ACACB: variants seen among roughly 807,000 people sequenced by gnomAD.
The protein encoded by ACACB is acetyl-CoA carboxylase beta.
In ACACB, 209 loss-of-function variants were observed where a neutral mutation model predicts 278.8. The ratio of observed to expected loss-of-function variants is 0.75; its 90% CI spans 0.67 to 0.84. The LOEUF (loss-of-function observed/expected upper bound fraction) is 0.84. Ranked by LOEUF, ACACB falls within the 40% of genes least tolerant of loss-of-function variation. The probability of loss-of-function intolerance (pLI) is 0.00; values close to 1 mark genes in which losing one functional copy is unlikely to be tolerated. For missense variants in ACACB, 2,850 were observed against 3,269.0 expected (o/e 0.87, Z 3.13); for synonymous variants, 1,174 against 1,285.6 (o/e 0.91, Z 1.86).
intron 19 of ACACB, among the ~76,000 whole-genome samples, chr12:109,205,869 C>G (rs1035529882): frequency 5.9e-5 from 9 of 152,048 alleles, no homozygotes; most frequent in Non-Finnish European, 8.8e-5. Context: ...GAACAGCACC[C>G]CAGCACTGTG....
In ACACB at chr12:109,199,307, C is replaced by T. The variant is rs555609247; in HGVS notation, c.2628-95C>T. Reference sequence around the variant, plus strand: ...TGGGAATGTAGAGGGTACACTCCCCCTTTAGGAAGGGGAAATGGTATTGAA... The same window carrying T: ...TGGGAATGTAGAGGGTACACTCCCCTTTTAGGAAGGGGAAATGGTATTGAA... On this transcript the variant is annotated intron_variant, in intron 17 of 52. Transcript: ENST00000338432. 94 of 1,152,268 alleles carry T rather than the reference C, an allele frequency of 8.2e-5. 1 individual carries two copies. The African/African-American group carries it at 1.4e-3, about 18-fold the overall frequency. 71.4% of individuals were successfully genotyped at this position (1,152,268 alleles called of 1,614,324 possible).
chr12:109,194,209 T>TG, intron 16 of ACACB, among the ~76,000 whole-genome samples: 1 of 151,680 alleles, frequency 6.6e-6, no homozygotes, highest in Admixed American at 6.6e-5. Flanking sequence ...TTGTTGTTGT[T>TG]TTTTCAAACG....
chr12:109,221,417 G>A (rs534864415), intron 24 of ACACB, among the ~76,000 whole-genome samples: 2 of 152,240 alleles, frequency 1.3e-5, no homozygotes, highest in East Asian at 1.9e-4. Flanking sequence ...GAGCACCTGC[G>A]CTGAGCTGTT....
At chr12:109,114,142 G>A (rs1269152046), upstream of ACACB, among the ~76,000 whole-genome samples, 1 of 152,120 alleles carries the variant, frequency 6.6e-6, no homozygotes, top group Non-Finnish European at 1.5e-5. Context: ...ACCATACCTG[G>A]CTAAGTTTTT....
intron 43 of ACACB, 131 bp from the exon 44 acceptor site, chr12:109,254,083 C>A (rs2047163277): frequency 9.1e-7 from 1 of 1,104,686 alleles, no homozygotes; most frequent in Non-Finnish European, 1.3e-6. Flanking sequence ...AGAGCAGTGG[C>A]TTCAGGAGCC....
chr12:109,196,946 C>A, intron 16 of ACACB, 62 bp from the exon 17 acceptor site: 1 of 1,472,472 alleles, frequency 6.8e-7, no homozygotes, highest in Non-Finnish European at 8.9e-7. Context: ...GTTAGCGGGG[C>A]CCAGCAGTGC....
intron 42 of ACACB, 139 bp downstream of exon 42, chr12:109,252,295 A>G (rs2047118069): frequency 1.0e-5 from 6 of 573,380 alleles, no homozygotes; most frequent in Non-Finnish European, 1.5e-5. Flanking sequence ...CTTTTTTTCC[A>G]ATTTGCAGCT....
At chr12:109,210,613 T>A (rs935253459) in intron 21 of ACACB, among the ~76,000 whole-genome samples, 14 of 149,908 alleles carry the variant, frequency 9.3e-5, no homozygotes, top group Admixed American at 2.7e-4. Flanking sequence ...ATATATAATA[T>A]TTTTTAAGAA....
Position 109,166,831 on chromosome 12 carries a change from G to C in ACACB, c.654-30G>C, listed in dbSNP as rs750612156. 6.8e-6 allele frequency: 11 copies of C among 1,613,766 alleles called. No individual in the cohort carries two copies. The South Asian group carries it at 7.7e-5, about 11-fold the overall frequency. Reference sequence around the variant, plus strand: ...CTGAGTCCCAGGCTTCTTCCCTCATGCACGTCTGTCCCTCATTCTTATTCT... The same window carrying C: ...CTGAGTCCCAGGCTTCTTCCCTCATCCACGTCTGTCCCTCATTCTTATTCT... On this transcript the variant is annotated intron_variant, in intron 2 of 52. Transcript: ENST00000338432.
chr12:109,260,144 G>A, intron 47 of ACACB: 1 of 1,396,560 alleles, frequency 7.2e-7, no homozygotes. Context: ...AAGGATCAGT[G>A]TGACTGTTAG....
At chr12:109,255,398 CT>C (rs1474432432) in intron 44 of ACACB, among the ~76,000 whole-genome samples, 1 of 152,202 alleles carries the variant, frequency 6.6e-6, no homozygotes, top group African/African-American at 2.4e-5. Flanking sequence ...CTGTGGCTTC[CT>C]TCTCTTGCTT....
At chr12:109,199,381 C>G (rs763146650) in intron 17 of ACACB, 21 bp from the exon 18 acceptor site, 1 of 1,457,326 alleles carries the variant, frequency 6.9e-7, no homozygotes, top group Non-Finnish European at 9.1e-7. Context: ...GTCTCCCTAC[C>G]CGACTCCTCC....
rs543108931 is a variant in ACACB at position 109,243,141 on chromosome 12, A to G, written c.5178+549A>G. On this transcript the variant is annotated intron_variant, in intron 37 of 52. Coordinates refer to ENST00000338432, the MANE Select transcript of ACACB (RefSeq NM_001093.4). ...AAGAAAAAATAATTCCTAGTCCCAC[A>G]CTCTGATGACAAATTGCTTAACATT... Among the ~76,000 whole-genome samples the G allele has an allele frequency of 2.1e-4, 32 of 152,252 alleles. No homozygotes were observed. In the South Asian group the frequency reaches 6.2e-3, roughly 30 times the overall value.
chr12:109,211,505 G>A (rs55907833), intron 21 of ACACB, among the ~76,000 whole-genome samples: 10,097 of 151,970 alleles, frequency 0.066, 806 homozygotes, highest in African/African-American at 0.19. Context: ...TGCCTGCCTC[G>A]GCCTCCCAGA....
chr12:109,186,324 C>T (rs1018372196), intron 12 of ACACB, among the ~76,000 whole-genome samples: 4 of 152,184 alleles, frequency 2.6e-5, no homozygotes, highest in African/African-American at 7.2e-5. Flanking sequence ...TGCTGGACAT[C>T]GTCACCCCAC....
At chr12:109,237,090 G>A in intron 33 of ACACB, 75 bp from the exon 34 acceptor site, 2 of 1,493,114 alleles carry the variant, frequency 1.3e-6, no homozygotes, top group Non-Finnish European at 1.9e-6. Flanking sequence ...GTAGGGTGTG[G>A]ACCAAGCAGG....
chr12:109,185,138 G>A (rs1458100005), intron 11 of ACACB, among the ~76,000 whole-genome samples: 1 of 152,194 alleles, frequency 6.6e-6, no homozygotes, highest in Non-Finnish European at 1.5e-5. Flanking sequence ...CATGAAGCCT[G>A]TTAAATCTGA....
At chr12:109,220,839 G>A (rs1312762789) in intron 24 of ACACB, among the ~76,000 whole-genome samples, 1 of 152,188 alleles carries the variant, frequency 6.6e-6, no homozygotes, top group African/African-American at 2.4e-5. Flanking sequence ...ACAGGCCTGA[G>A]CCACCATGCC....
intron 2 of ACACB, among the ~76,000 whole-genome samples, chr12:109,140,291 C>T (rs201310921): frequency 1.5e-4 from 16 of 104,726 alleles, no homozygotes; most frequent in East Asian, 6.0e-4. Context: ...TCCTTCCTTC[C>T]TTCCTTCCTT....
Sources: allele counts gnomAD v4.1 joint callset (sites outside exome capture counted in the v4.1 genomes callset), GRCh38; gene constraint gnomAD v4.1.1; transcripts MANE v1.5; gene names NCBI Gene and HGNC (gene_info 2026-07-23, HGNC 2026-07-21).